The following SUPT3H variants were observed in gnomAD, a reference collection of about 807,000 sequenced individuals.
SUPT3H encodes the protein transcription initiation protein SPT3 homolog.
In SUPT3H, 44 loss-of-function variants were observed where a neutral mutation model predicts 44.3. The ratio of observed to expected loss-of-function variants is 0.99; its 90% CI spans 0.78 to 1.28. The LOEUF (loss-of-function observed/expected upper bound fraction) is 1.28. Among genes scored for constraint, SUPT3H ranks in the 50% most tolerant of loss-of-function variants. The pLI, the probability that SUPT3H is intolerant of heterozygous loss-of-function variation, is 0.00. For synonymous variants in SUPT3H, 124 were observed against 125.6 expected (o/e 0.99, Z 0.09); for missense variants, 380 against 387.1 (o/e 0.98, Z 0.15).
downstream of SUPT3H, among the ~76,000 whole-genome samples, chr6:44,825,758 A>ATATT (rs1767698028): frequency 6.6e-6 from 1 of 152,174 alleles, no homozygotes; most frequent in Non-Finnish European, 1.5e-5. Flanking sequence ...AAGTAAAACT[A>ATATT]TATTTTGATC....
At chr6:45,251,989 A>G (rs1772461584) in intron 2 of SUPT3H, among the ~76,000 whole-genome samples, 1 of 152,214 alleles carries the variant, frequency 6.6e-6, no homozygotes, top group Non-Finnish European at 1.5e-5. Context: ...AATAAAGAAA[A>G]GGTCTTATAA....
chr6:44,972,550 C>T (rs1334032849), intron 6 of SUPT3H, among the ~76,000 whole-genome samples: 2 of 152,128 alleles, frequency 1.3e-5, no homozygotes, highest in East Asian at 3.9e-4. Context: ...GAATGGTGGC[C>T]CTTTTACAGC....
At chr6:45,296,185 T>TATATATACAC (rs377152580) in intron 2 of SUPT3H, among the ~76,000 whole-genome samples, 128 of 140,552 alleles carry the variant, frequency 9.1e-4, no homozygotes, top group Middle Eastern at 7.2e-3. Context: ...ATACACATAC[T>TATATATACAC]ACACACACAC....
intron 10 of SUPT3H, among the ~76,000 whole-genome samples, chr6:44,858,140 T>C (rs916992353): frequency 2.6e-5 from 4 of 152,144 alleles, no homozygotes; most frequent in Admixed American, 2.6e-4. Flanking sequence ...TATACTACAT[T>C]ACTACTACAC....
intron 10 of SUPT3H, among the ~76,000 whole-genome samples, chr6:44,887,959 T>C (rs1477796169): frequency 6.6e-6 from 1 of 152,054 alleles, no homozygotes; most frequent in African/African-American, 2.4e-5. Flanking sequence ...CCCACAGAAA[T>C]ACAAACTACC....
At chr6:45,178,116 C>T (rs531841948) in intron 2 of SUPT3H, among the ~76,000 whole-genome samples, 1 of 152,188 alleles carries the variant, frequency 6.6e-6, no homozygotes, top group East Asian at 1.9e-4. Context: ...TTAGAAGACA[C>T]AGACTGGCAA....
chr6:45,235,362 A>G (rs970123880), intron 2 of SUPT3H, among the ~76,000 whole-genome samples: 10 of 152,324 alleles, frequency 6.6e-5, no homozygotes, highest in Non-Finnish European at 1.5e-4. Context: ...CACAAAAGTC[A>G]CCATTAATTC....
intron 10 of SUPT3H, among the ~76,000 whole-genome samples, chr6:44,915,101 A>G (rs1433060450): frequency 6.6e-6 from 1 of 152,218 alleles, no homozygotes; most frequent in African/African-American, 2.4e-5. Context: ...AGTGCTAAGA[A>G]GCCATCTTGG....
chr6:44,979,548 G>C (rs1247963140), intron 6 of SUPT3H, among the ~76,000 whole-genome samples: 1 of 152,042 alleles, frequency 6.6e-6, no homozygotes, highest in Non-Finnish European at 1.5e-5. Flanking sequence ...TGTGTGGGGG[G>C]GGGAAATCAA....
chr6:45,218,272 T>C (rs1765419411), intron 2 of SUPT3H, among the ~76,000 whole-genome samples: 1 of 152,050 alleles, frequency 6.6e-6, no homozygotes, highest in Non-Finnish European at 1.5e-5. Context: ...TATTATATAA[T>C]GATCAAAGGA....
chr6:45,175,829 C>T (rs1276216140), intron 2 of SUPT3H, among the ~76,000 whole-genome samples: 1 of 152,116 alleles, frequency 6.6e-6, no homozygotes, highest in African/African-American at 2.4e-5. Flanking sequence ...ACAGATAACT[C>T]CATGATTCAA....
At chr6:44,916,824 G>A (rs1762390050) in intron 10 of SUPT3H, among the ~76,000 whole-genome samples, 2 of 152,056 alleles carry the variant, frequency 1.3e-5, no homozygotes, top group African/African-American at 4.8e-5. Flanking sequence ...TATTATTACT[G>A]ACACTTATTA....
intron 4 of SUPT3H, among the ~76,000 whole-genome samples, chr6:45,016,028 T>C (rs759350634): frequency 7.2e-5 from 11 of 152,112 alleles, no homozygotes; most frequent in Non-Finnish European, 1.5e-4. Context: ...AAAATAATGA[T>C]GGAGTATTAT....
chr6:45,205,074 T>C (rs1292816823), intron 2 of SUPT3H, among the ~76,000 whole-genome samples: 5 of 151,446 alleles, frequency 3.3e-5, no homozygotes, highest in Non-Finnish European at 7.3e-5. Context: ...AGTTTTATAC[T>C]GTACTATAAA....
At chr6:45,105,124 T>C (rs1042141318) in intron 3 of SUPT3H, among the ~76,000 whole-genome samples, 2 of 151,940 alleles carry the variant, frequency 1.3e-5, no homozygotes. Context: ...AAATTAAGTA[T>C]ATTATAAAGA....
chr6:44,848,053 G>C (rs959888448), intron 10 of SUPT3H, among the ~76,000 whole-genome samples: 1 of 129,750 alleles, frequency 7.7e-6, no homozygotes, highest in African/African-American at 3.0e-5. Flanking sequence ...TGCAACCTCT[G>C]TCTTGTGGTT....
intron 11 of SUPT3H, among the ~76,000 whole-genome samples, chr6:44,819,590 G>C (rs1002624665): frequency 1.1e-4 from 17 of 151,120 alleles, no homozygotes; most frequent in Non-Finnish European, 1.9e-4. Flanking sequence ...CCAGGAGTTT[G>C]AGATAAGCCT....
At position 45,291,078 on chromosome 6, in the gene SUPT3H, T is replaced by G. The variant is rs1780240874; in HGVS notation, c.101+74123A>C. Among the ~76,000 whole-genome samples the G allele has an allele frequency of 2.0e-5, 3 of 152,176 alleles. No individual in the cohort carries two copies. The South Asian group carries it at 6.2e-4, about 32-fold the overall frequency. On this transcript the variant is annotated intron_variant, in intron 2 of 10. Transcript: ENST00000371459. The stretch of plus-strand genomic sequence containing the variant: ...GACCCTGGAGACACCCCAAATACTG[T>G]GCTGGTATACACAGCTGAGAGACTC...
chr6:45,150,652 C>T (rs925329522), intron 2 of SUPT3H, among the ~76,000 whole-genome samples: 1 of 150,828 alleles, frequency 6.6e-6, no homozygotes. Flanking sequence ...GTTCTTGAAA[C>T]ATTACCTTGT....
Sources: allele counts gnomAD v4.1 joint callset (sites outside exome capture counted in the v4.1 genomes callset), GRCh38; gene constraint gnomAD v4.1.1; transcripts MANE v1.5; gene names NCBI Gene and HGNC (gene_info 2026-07-23, HGNC 2026-07-21).